The following ELAC1 variants were observed in gnomAD, a reference collection of about 807,000 sequenced individuals.
ELAC1 encodes the protein zinc phosphodiesterase ELAC protein 1.
A neutral mutation model predicts 25.8 loss-of-function variants in ELAC1; 19 were observed. The ratio of observed to expected loss-of-function variants is 0.74; its 90% CI spans 0.51 to 1.08. ELAC1 has a LOEUF of 1.08. Among genes scored for constraint, ELAC1 ranks in the 50% least tolerant of loss-of-function variants. The pLI, the probability that ELAC1 is intolerant of heterozygous loss-of-function variation, is 0.00. For missense variants in ELAC1, 403 were observed against 434.6 expected (o/e 0.93, Z 0.65); for synonymous variants, 148 against 160.9 (o/e 0.92, Z 0.61).
intron 1 of ELAC1, among the ~76,000 whole-genome samples, chr18:50,971,113 A>G (rs1257606237): frequency 6.6e-6 from 1 of 152,236 alleles, no homozygotes; most frequent in African/African-American, 2.4e-5. Flanking sequence ...TATTTTAGCC[A>G]TCTTGAGAGC....
Position 50,974,514 on chromosome 18 carries a change from G to A in ELAC1, c.110G>A (p.Cys37Tyr). The A allele has an allele frequency of 1.2e-6, 2 of 1,613,528 alleles. No homozygotes were observed. Among genetic ancestry groups the A allele is most frequent in the Non-Finnish European group, 1.7e-6 (2 of 1,179,750 alleles). ...GAAGGCGAGTGCTGGCTCTTTGACT[G>A]TGGGGAGGGAACACAGACACAGCTT... is the stretch of plus-strand genomic sequence containing the variant. ...RCEGECWLFD[C>Y]GEGTQTQLMK... Residue 37 changes from cysteine (C) to tyrosine (Y), a missense_variant, in exon 2 of 4, where the codon TGT becomes TAT. By Grantham distance (194) the Cys-to-Tyr change is radical. Transcript: ENST00000269466.
chr18:50,984,233 C>T lies in ELAC1; in HGVS notation c.295C>T (p.Leu99Phe). Residue 99 changes from leucine to phenylalanine, a missense_variant, in exon 3 of 4, where the codon CTT becomes TTT. Coordinates refer to ENST00000269466, the MANE Select transcript of ELAC1 (RefSeq NM_018696.3). ...QPIEIYGPVG[L>F]RDFIWRTMEL... ...TATTGAAATCTATGGCCCTGTAGGGCTTCGGGACTTTATCTGGCGAACCAT... is the reference window on the plus strand; with the variant it reads ...TATTGAAATCTATGGCCCTGTAGGGTTTCGGGACTTTATCTGGCGAACCAT... The T allele has an allele frequency of 6.2e-7, 1 of 1,614,184 alleles. No homozygotes were observed. Among genetic ancestry groups the T allele is most frequent in the Non-Finnish European group, 8.5e-7 (1 of 1,180,028 alleles).
intron 2 of ELAC1, among the ~76,000 whole-genome samples, chr18:50,981,843 CTTTTTTT>C (rs750956755): frequency 1.6e-4 from 19 of 117,876 alleles, no homozygotes; most frequent in Admixed American, 3.5e-4. Context: ...TGCTATAGTT[CTTTTTTT>C]TTTTTTTTTT....
At chr18:50,972,632 G>C (rs566057133) in intron 1 of ELAC1, among the ~76,000 whole-genome samples, 1 of 152,166 alleles carries the variant, frequency 6.6e-6, no homozygotes, top group South Asian at 2.1e-4. Context: ...ACAGGTGTGC[G>C]CCAGCATGCA....
In ELAC1 at chr18:50,984,578, G is replaced by GT; in HGVS notation, c.625+21dup. 3.2e-6 allele frequency: 5 copies of GT among 1,583,322 alleles called. No homozygotes were observed. Among genetic ancestry groups the GT allele is most frequent in the South Asian group, 2.3e-5 (2 of 88,480 alleles). On this transcript the variant is annotated intron_variant, in intron 3 of 3. Coordinates refer to ENST00000269466, the MANE Select transcript of ELAC1 (RefSeq NM_018696.3). ...TAAAGACCTTGGTAAGTGTTTTTTT[G>GT]TTTTTTGTTTTTTCCCGCCTTCTCA...
chr18:50,987,069 T>C lies in ELAC1; in HGVS notation c.1076T>C (p.Ile359Thr). Reference protein sequence around the residue: ...TLAEDFMVISIPIKK With the variant: ...TLAEDFMVISTPIKK ...GCAGAAGATTTTATGGTGATAAGCA[T>C]TCCAATCAAGAAATGAAACCAGTGT... Residue 359 changes from isoleucine (I) to threonine (T), a missense_variant, in exon 4 of 4, where the codon ATT becomes ACT. Transcript: ENST00000269466. 1 of 1,540,904 alleles carries C rather than the reference T, an allele frequency of 6.5e-7. No individual in the cohort carries two copies. Among genetic ancestry groups the C allele is most frequent in the Non-Finnish European group, 8.7e-7 (1 of 1,143,408 alleles).
At chr18:50,968,606 G>A (rs974355454) in intron 1 of ELAC1, 2 of 152,252 alleles carry the variant, frequency 1.3e-5, no homozygotes, top group Admixed American at 1.3e-4. Flanking sequence ...TGTGATCTGC[G>A]GCCAGGACCG....
intron 2 of ELAC1, among the ~76,000 whole-genome samples, chr18:50,982,335 G>A (rs1907973710): frequency 6.6e-6 from 1 of 152,206 alleles, no homozygotes; most frequent in African/African-American, 2.4e-5. Flanking sequence ...GTGCCAATCT[G>A]TTGTTCTCTG....
Position 50,974,576 on chromosome 18 carries a change from A to C in ELAC1, c.157+15A>C. The C allele has an allele frequency of 6.2e-7, 1 of 1,613,084 alleles. No individual in the cohort carries two copies. Among genetic ancestry groups the C allele is most frequent in the Non-Finnish European group, 8.5e-7 (1 of 1,179,324 alleles). On this transcript the variant is annotated intron_variant, in intron 2 of 3. Transcript: ENST00000269466. ...ACTTAAAGCAGGTTAGTGTGCCTTC[A>C]GCTATCTCATTAAGATTTTTTTGTT...
rs755351278 is a variant in ELAC1 at position 50,986,664 on chromosome 18, CTGT to C, written c.676_678del (p.Val226del). ...TATGGGAAGCTGAAAAATGGAATTT[CTGT>C]TGTTCTGGAAAATGGGGTTACAATT... On this transcript the variant is annotated inframe_deletion, in exon 4 of 4. Transcript: ENST00000269466. 1.7e-5 allele frequency: 28 copies of C among 1,613,706 alleles called. No homozygotes were observed. Among genetic ancestry groups the C allele is most frequent in the Admixed American group, 3.3e-5 (2 of 59,956 alleles).
chr18:50,986,029 T>C (rs1049439234), intron 3 of ELAC1, among the ~76,000 whole-genome samples: 5 of 146,592 alleles, frequency 3.4e-5, no homozygotes, highest in African/African-American at 1.0e-4. Flanking sequence ...TTTTTTTTTT[T>C]TTTTTTGAGG....
intron 2 of ELAC1, among the ~76,000 whole-genome samples, chr18:50,983,395 C>T (rs944921658): frequency 6.6e-6 from 1 of 151,828 alleles, no homozygotes; most frequent in Non-Finnish European, 1.5e-5. Flanking sequence ...GAACTCCCGA[C>T]CTCAGGTGAT....
intron 1 of ELAC1, 69 bp from the exon 2 acceptor site, chr18:50,974,328 T>C: frequency 7.2e-7 from 1 of 1,392,432 alleles, no homozygotes; most frequent in African/African-American, 1.5e-5. Context: ...ATAATAGAGA[T>C]AAATATTACA....
At chr18:50,983,376 G>T (rs912111855) in intron 2 of ELAC1, among the ~76,000 whole-genome samples, 1 of 151,732 alleles carries the variant, frequency 6.6e-6, no homozygotes, top group Non-Finnish European at 1.5e-5. Flanking sequence ...TGTTGGTCAG[G>T]CTGGTCTCGA....
At chr18:50,976,337 TA>T (rs532863520) in intron 2 of ELAC1, among the ~76,000 whole-genome samples, 160 of 152,226 alleles carry the variant, frequency 1.1e-3, no homozygotes, top group African/African-American at 3.7e-3. Context: ...GGTAATTTAT[TA>T]AAACAACAAC....
chr18:50,977,247 C>T (rs925804537), intron 2 of ELAC1, among the ~76,000 whole-genome samples: 2 of 152,230 alleles, frequency 1.3e-5, no homozygotes, highest in Non-Finnish European at 2.9e-5. Flanking sequence ...GGCTCACACC[C>T]CATATTTCCC....
At chr18:50,983,955 A>G (rs142670098) in intron 2 of ELAC1, 141 bp from the exon 3 acceptor site, 12 of 513,864 alleles carry the variant, frequency 2.3e-5, no homozygotes, top group Middle Eastern at 3.8e-4. Flanking sequence ...ATGTAAATGA[A>G]TAAGTTTATG....
Position 50,986,969 on chromosome 18 carries a change from G to A in ELAC1, c.976G>A (p.Glu326Lys), listed in dbSNP as rs753289940. Residue 326 changes from glutamate (E) to lysine (K), a missense_variant, in exon 4 of 4, where the codon GAA becomes AAA. Transcript: ENST00000269466. ...QRYKPVALAR[E>K]GETDGIAELK... The stretch of plus-strand genomic sequence containing the variant: ...GTACAAACCAGTTGCCTTGGCCAGA[G>A]AAGGAGAAACAGATGGCATTGCAGA... The A allele has an allele frequency of 5.0e-6, 8 of 1,614,054 alleles. No individual in the cohort carries two copies. The highest frequency in any genetic ancestry group is 6.8e-6 in the Non-Finnish European group (8 of 1,179,966).
rs1599145032 is a variant in ELAC1, at chr18:50,974,463, G to A, written c.59G>A (p.Gly20Asp). 6.3e-7 allele frequency: 1 copy of A among 1,599,680 alleles called. No homozygotes were observed. ...GCAGCATACCCATCTCCAACCCGGG[G>A]TGCCTCTGCTGTGGTCCTTCGGTGT... ...TGAAYPSPTR[G>D]ASAVVLRCEG... is the part of the protein sequence containing the mutation. Residue 20 changes from glycine (G) to aspartate (D), a missense_variant, in exon 2 of 4, where the codon GGT becomes GAT. Gly to Asp is a moderately conservative substitution (Grantham distance 94). Coordinates refer to ENST00000269466, the MANE Select transcript of ELAC1 (RefSeq NM_018696.3).
Sources: allele counts gnomAD v4.1 joint callset (sites outside exome capture counted in the v4.1 genomes callset), GRCh38; gene constraint gnomAD v4.1.1; transcripts MANE v1.5; gene names NCBI Gene and HGNC (gene_info 2026-07-23, HGNC 2026-07-21).